LINS1: variants seen among roughly 807,000 people sequenced by gnomAD.
LINS1 encodes the protein protein Lines homolog 1.
LINS1 carries 27 observed loss-of-function variants against 41.6 expected under a neutral mutation model. The ratio of observed to expected loss-of-function variants is 0.65; its 90% CI spans 0.48 to 0.89. The LOEUF is 0.89. Among genes scored for constraint, LINS1 ranks in the 40% least tolerant of loss-of-function variants. LINS1 has a pLI of 0.00. For missense variants in LINS1, 955 were observed against 884.1 expected (o/e 1.08, Z -1.02); for synonymous variants, 336 against 312.9 (o/e 1.07, Z -0.78).
Position 100,568,402 on chromosome 15 carries a change from A to G in LINS1, c.*836T>C, listed in dbSNP as rs11636088. ...ATCATACTGGATGAGGGTAGGTCCT[A>G]GTCCAATGACCGATGTCCTTGTAGG... On this transcript the variant is annotated 3_prime_UTR_variant, in exon 7 of 7. Coordinates refer to ENST00000314742, the MANE Select transcript of LINS1 (RefSeq NM_001040616.3). The G allele has an allele frequency of 0.36, 55,376 of 152,182 alleles. 11,146 individuals carry two copies. The highest frequency in any genetic ancestry group is 0.47 in the Non-Finnish European group (32,003 of 68,030). 9.4% of individuals were successfully genotyped at this position (152,182 alleles called of 1,614,324 possible). A position where few individuals can be genotyped will look rare whatever the true frequency, so the allele number is the denominator to read the frequency against.
intron 1 of LINS1, among the ~76,000 whole-genome samples, chr15:100,587,481 G>A: frequency 6.6e-6 from 1 of 152,182 alleles, no homozygotes; most frequent in East Asian, 1.9e-4. Context: ...AGACTCAGTG[G>A]GAAAATTTAG....
At chr15:100,575,169 T>G (rs777615131) in intron 3 of LINS1, 41 bp from the exon 4 acceptor site, 3 of 1,552,882 alleles carry the variant, frequency 1.9e-6, no homozygotes, top group Non-Finnish European at 2.6e-6. Flanking sequence ...AAATACAATA[T>G]TTTCTTTACA....
At chr15:100,580,376 A>C in intron 2 of LINS1, 24 bp from the exon 3 acceptor site, 1 of 1,604,524 alleles carries the variant, frequency 6.2e-7, no homozygotes, top group Non-Finnish European at 8.5e-7. Context: ...AATATAATTA[A>C]CCACTATTGC....
chr15:100,571,724 G>A lies in LINS1; in HGVS notation c.1394+170C>T, dbSNP rs938734926. 2.6e-5 allele frequency among the ~76,000 whole-genome samples: 4 copies of A among 152,142 alleles called. No homozygotes were observed. The South Asian group carries it at 6.2e-4, about 24-fold the overall frequency. On this transcript the variant is annotated intron_variant, in intron 6 of 6. Coordinates refer to ENST00000314742, the MANE Select transcript of LINS1 (RefSeq NM_001040616.3). ...GCCCAGCCAGCCAGGTTTTCCTAGC[G>A]ATACAAATGCAATCTCCTTTTCATG... is the stretch of plus-strand genomic sequence containing the variant.
In LINS1 at chr15:100,574,092, C is replaced by G; in HGVS notation, c.781G>C (p.Ala261Pro). ...CFLDLLELLIASRIHLKLHFT... is the reference protein window; with the variant it reads ...CFLDLLELLIPSRIHLKLHFT... The stretch of plus-strand genomic sequence containing the variant: ...TGTAACTTCAGGTGGATTCTGGAGG[C>G]GATGAGAAGCTCAAGCAAATCCAGG... The change falls in exon 5 of 7, where the codon GCC becomes CCC. Residue 261 changes from alanine (A) to proline (P), a missense_variant. Coordinates refer to ENST00000314742, the MANE Select transcript of LINS1 (RefSeq NM_001040616.3). 1 of 1,614,056 alleles carries G rather than the reference C, an allele frequency of 6.2e-7. No individual in the cohort carries two copies. Among genetic ancestry groups the G allele is most frequent in the East Asian group, 2.2e-5 (1 of 44,886 alleles).
intron 3 of LINS1, among the ~76,000 whole-genome samples, chr15:100,575,889 T>A (rs2038144799): frequency 6.6e-6 from 1 of 152,316 alleles, no homozygotes; most frequent in East Asian, 1.9e-4. Context: ...ACCATTCAAC[T>A]ACATGGAAAC....
At chr15:100,579,776 T>C (rs1272728812) in intron 3 of LINS1, among the ~76,000 whole-genome samples, 1 of 152,156 alleles carries the variant, frequency 6.6e-6, no homozygotes, top group Non-Finnish European at 1.5e-5. Context: ...CCTGTGAAAA[T>C]AGGCTTGTTC....
At chr15:100,574,879 T>C (rs538124628) in intron 4 of LINS1, 108 bp downstream of exon 4, 1 of 1,160,896 alleles carries the variant, frequency 8.6e-7, no homozygotes, top group African/African-American at 1.5e-5. Flanking sequence ...GACTTTTTCA[T>C]TACTTTAAGA....
intron 1 of LINS1, among the ~76,000 whole-genome samples, chr15:100,589,206 T>G (rs532396874): frequency 2.6e-5 from 4 of 152,332 alleles, no homozygotes; most frequent in Admixed American, 2.6e-4. Context: ...TGAAAGGTGT[T>G]GTTGGTAAAA....
In LINS1 at chr15:100,567,622, C is replaced by G. The variant is rs1013725898; in HGVS notation, c.*1616G>C. On this transcript the variant is annotated 3_prime_UTR_variant, in exon 7 of 7. Transcript: ENST00000314742. ...ATTCCACTGACTATACAAATTCTGA[C>G]TTACTTTACCAGGTATTTCTAGTAA... The G allele has an allele frequency of 6.6e-6, 1 of 152,174 alleles. No individual in the cohort carries two copies. Among genetic ancestry groups the G allele is most frequent in the African/African-American group, 2.4e-5 (1 of 41,436 alleles). The allele number at this position is 152,174 out of a possible 1,614,324, so 9.4% of individuals were successfully genotyped here. A position where few individuals can be genotyped will look rare whatever the true frequency, so the allele number is the denominator to read the frequency against.
rs1029292794 is a variant in LINS1 at position 100,568,218 on chromosome 15, A to T, written c.*1020T>A. 7 of 152,222 alleles carry T rather than the reference A, an allele frequency of 4.6e-5. No homozygotes were observed. The highest frequency in any genetic ancestry group is 1.7e-4 in the African/African-American group (7 of 41,446). The allele number at this position is 152,222 out of a possible 1,614,324, so 9.4% of individuals were successfully genotyped here. A position where few individuals can be genotyped will look rare whatever the true frequency, so the allele number is the denominator to read the frequency against. On this transcript the variant is annotated 3_prime_UTR_variant, in exon 7 of 7. Coordinates refer to ENST00000314742, the MANE Select transcript of LINS1 (RefSeq NM_001040616.3). The stretch of plus-strand genomic sequence containing the variant: ...ATAATCACTTCTCAAAGAAACGGCT[A>T]AGATTTTACATTTGTAATATATCGC...
chr15:100,591,146 C>A lies in LINS1; in HGVS notation c.-103-10201G>T, dbSNP rs1161722453. On this transcript the variant is annotated intron_variant, in intron 1 of 6. Transcript: ENST00000314742. Reference sequence around the variant, plus strand: ...GAGCCAAGATCATGCCATTGCACTCCAGCCTGGGCGAAAAGAGCAAAACTC... The same window carrying A: ...GAGCCAAGATCATGCCATTGCACTCAAGCCTGGGCGAAAAGAGCAAAACTC... 2.6e-5 allele frequency among the ~76,000 whole-genome samples: 4 copies of A among 152,116 alleles called. No homozygotes were observed. The East Asian group carries it at 7.7e-4, about 29-fold the overall frequency.
chr15:100,578,838 T>C (rs2141300167), intron 3 of LINS1, among the ~76,000 whole-genome samples: 1 of 152,244 alleles, frequency 6.6e-6, no homozygotes, highest in South Asian at 2.1e-4. Flanking sequence ...TGGAATACTA[T>C]GCAGCCATAA....
chr15:100,601,666 A>G (rs905666979), intron 1 of LINS1, among the ~76,000 whole-genome samples: 3 of 152,066 alleles, frequency 2.0e-5, no homozygotes, highest in Admixed American at 6.6e-5. Flanking sequence ...TTTCCCCGAA[A>G]TCACTATCTT....
intron 1 of LINS1, among the ~76,000 whole-genome samples, chr15:100,599,229 T>G (rs1346653258): frequency 6.6e-6 from 1 of 152,248 alleles, no homozygotes; most frequent in African/African-American, 2.4e-5. Context: ...GAAGTGTATC[T>G]GTTAAAACCT....
chr15:100,569,102 G>A lies in LINS1; in HGVS notation c.*136C>T, dbSNP rs990758381. 7.6e-5 allele frequency: 44 copies of A among 576,632 alleles called. No individual in the cohort carries two copies. The highest frequency in any genetic ancestry group is 2.4e-4 in the East Asian group (8 of 32,716). The allele number at this position is 576,632 out of a possible 1,614,324, so 35.7% of individuals were successfully genotyped here. A position where few individuals can be genotyped will look rare whatever the true frequency, so the allele number is the denominator to read the frequency against. ...CACGCCACTGCACTCCGGCCTGAGCGACAGAATGAGATTCTGTCTCAAAAA... is the reference window on the plus strand; with the variant it reads ...CACGCCACTGCACTCCGGCCTGAGCAACAGAATGAGATTCTGTCTCAAAAA... On this transcript the variant is annotated 3_prime_UTR_variant, in exon 7 of 7. Transcript: ENST00000314742.
At position 100,569,690 on chromosome 15, in the gene LINS1, C is replaced by T. The variant is rs1350361739; in HGVS notation, c.1822G>A (p.Gly608Arg). Residue 608 changes from glycine (G) to arginine (R), a missense_variant, in exon 7 of 7, where the codon GGG becomes AGG. Physicochemically the swap from Gly to Arg is moderately radical, Grantham distance 125 (BLOSUM62 -2). Transcript: ENST00000314742. ...SEPLKAVMSK[G>R]AHTMCASSLS... ...CTAGAAGCACACATGGTGTGAGCCCCCTTGGACATCACAGCTTTCAGTGGT... is the reference window on the plus strand; with the variant it reads ...CTAGAAGCACACATGGTGTGAGCCCTCTTGGACATCACAGCTTTCAGTGGT... 6.2e-7 allele frequency: 1 copy of T among 1,613,870 alleles called. No homozygotes were observed. The highest frequency in any genetic ancestry group is 2.2e-5 in the East Asian group (1 of 44,876).
In LINS1 at chr15:100,602,126, A is replaced by T. The variant is rs1208699347; in HGVS notation, c.-109T>A. The T allele has an allele frequency of 6.6e-6, 1 of 152,308 alleles. No homozygotes were observed. Among genetic ancestry groups the T allele is most frequent in the Non-Finnish European group, 1.5e-5 (1 of 68,158 alleles). 9.4% of individuals were successfully genotyped at this position (152,308 alleles called of 1,614,324 possible). A position where few individuals can be genotyped will look rare whatever the true frequency, so the allele number is the denominator to read the frequency against. The stretch of plus-strand genomic sequence containing the variant: ...GGCCGGTCCCGGTTACCTGCCTGGG[A>T]TCTGGCTCAGGCGAACTCTCTTCAC... On this transcript the variant is annotated 5_prime_UTR_variant, in exon 1 of 7. Coordinates refer to ENST00000314742, the MANE Select transcript of LINS1 (RefSeq NM_001040616.3).
chr15:100,600,551 C>CAAAAAAAAAAAAAAAAAAAAA lies in LINS1; in HGVS notation c.-104+1569_-104+1570insTTTTTTTTTTTTTTTTTTTTT, dbSNP rs56911211. 1.6e-4 allele frequency among the ~76,000 whole-genome samples: 13 copies of CAAAAAAAAAAAAAAAAAAAAA among 79,676 alleles called. 2 individuals are homozygous for CAAAAAAAAAAAAAAAAAAAAA. Among genetic ancestry groups the CAAAAAAAAAAAAAAAAAAAAA allele is most frequent in the African/African-American group, 6.0e-4 (9 of 15,010 alleles). The allele number at this position is 79,676 out of a possible 152,430, so 52.3% of individuals were successfully genotyped here. On this transcript the variant is annotated intron_variant, in intron 1 of 6. Transcript: ENST00000314742. ...TTTACATTGGAGTCCTGCTGTTAAG[C>CAAAAAAAAAAAAAAAAAAAAA]AAAAAAAAAAAAAAAAAAAACAGGG...
Sources: gnomAD v4.1 joint callset for allele counts (sites outside exome capture counted in the v4.1 genomes callset) on GRCh38, gnomAD v4.1.1 for gene constraint, MANE v1.5 for transcripts, NCBI Gene and HGNC (gene_info 2026-07-23, HGNC 2026-07-21) for gene names.